Variants in PLXNB2 observed in about 807,000 individuals in gnomAD.
PLXNB2 encodes the protein plexin-B2.
Under a neutral mutation model 202.6 loss-of-function variants are expected in PLXNB2, and 85 were observed. That is an observed-to-expected ratio of 0.42 (90% CI 0.35 to 0.50). PLXNB2 has a LOEUF of 0.50. PLXNB2 is among the 20% of genes least tolerant of loss of function. PLXNB2 has a pLI of 0.02. For synonymous variants in PLXNB2, 1,239 were observed against 1,137.6 expected (o/e 1.09, Z -1.79); for missense variants, 2,063 against 2,586.2 (o/e 0.80, Z 4.39).
At chr22:50,301,291 CTCT>C in intron 1 of PLXNB2, 4 of 606,574 alleles carry the variant, frequency 6.6e-6, no homozygotes, top group Non-Finnish European at 8.3e-6. Flanking sequence ...CTGCAGCCCC[CTCT>C]TGCTACACCG....
In PLXNB2 at chr22:50,284,759, G is replaced by T; in HGVS notation, c.2089-94C>A. On this transcript the variant is annotated intron_variant, in intron 11 of 36. Transcript: ENST00000359337. The surrounding 1 kb of genome is among the most constrained non-coding windows in gnomAD (Gnocchi z 8.0). Reference sequence around the variant, plus strand: ...GCAGCCCCTCCTCTGTGCCTACAGTGTGGGAGCCCTCTCCTCACCCCACAC... The same window carrying T: ...GCAGCCCCTCCTCTGTGCCTACAGTTTGGGAGCCCTCTCCTCACCCCACAC... 2.1e-6 allele frequency: 2 copies of T among 942,512 alleles called. No individual in the cohort carries two copies. Among genetic ancestry groups the T allele is most frequent in the South Asian group, 1.3e-5 (1 of 76,474 alleles). 58.4% of individuals were successfully genotyped at this position (942,512 alleles called of 1,614,324 possible).
At chr22:50,285,013 C>T in intron 11 of PLXNB2, 1 of 441,244 alleles carries the variant, frequency 2.3e-6, no homozygotes. Flanking sequence ...GCCTCCTCCA[C>T]TGCCTCTCTT....
At position 50,278,099 on chromosome 22, in the gene PLXNB2, A is replaced by G; in HGVS notation, c.4887+18T>C. On this transcript the variant is annotated intron_variant, in intron 31 of 36. Coordinates refer to ENST00000359337, the MANE Select transcript of PLXNB2 (RefSeq NM_012401.4). ...AGCGTGGCGGCCTGGTGCCGCCCAC[A>G]CACCCATGGGGGCCCACCTTGACTG... 2 of 1,603,062 alleles carry G rather than the reference A, an allele frequency of 1.2e-6. No homozygotes were observed. The highest frequency in any genetic ancestry group is 1.7e-6 in the Non-Finnish European group (2 of 1,178,928).
At chr22:50,278,313 G>A (rs771784244) in intron 30 of PLXNB2, 42 bp from the exon 31 acceptor site, 1 of 1,602,378 alleles carries the variant, frequency 6.2e-7, no homozygotes, top group Non-Finnish European at 8.5e-7. Flanking sequence ...CCAGGTCTGG[G>A]GGCCTGGGTC....
chr22:50,304,867 T>C (rs2147733914), intron 1 of PLXNB2, among the ~76,000 whole-genome samples: 1 of 152,316 alleles, frequency 6.6e-6, no homozygotes, highest in Admixed American at 6.5e-5. Context: ...GGCCACTTGC[T>C]GGCCACTGGG....
chr22:50,294,100 G>C (rs1191774604), intron 2 of PLXNB2, among the ~76,000 whole-genome samples: 3 of 152,250 alleles, frequency 2.0e-5, no homozygotes, highest in Non-Finnish European at 4.4e-5. Context: ...GGAGGCGCCA[G>C]GCACAGCCAG....
rs760231402 is a variant in PLXNB2, at chr22:50,287,143, G to C, written c.1730C>G (p.Pro577Arg). 104 of 1,542,126 alleles carry C rather than the reference G, an allele frequency of 6.7e-5. No individual in the cohort carries two copies. Among genetic ancestry groups the C allele is most frequent in the Non-Finnish European group, 8.3e-5 (95 of 1,142,684 alleles). The change falls in exon 8 of 37, where the codon CCA becomes CGA. Residue 577 changes from proline to arginine, a missense_variant. By Grantham distance (103) the Pro-to-Arg change is moderately radical. Coordinates refer to ENST00000359337, the MANE Select transcript of PLXNB2 (RefSeq NM_012401.4). ...TGGCGGTGTGACGGGGATGCTGCTT[G>C]GGGAGTTGCAGATGACGGCCTCGCC... Reference protein sequence around the residue: ...VEGEAVICNSPSSIPVTPPGQ... With the variant: ...VEGEAVICNSRSSIPVTPPGQ...
At chr22:50,300,709 T>A (rs111764980) in intron 1 of PLXNB2, among the ~76,000 whole-genome samples, 1,823 of 152,282 alleles carry the variant, frequency 0.012, 29 homozygotes, top group African/African-American at 0.041. Context: ...GTGGGGTTCC[T>A]ACTTAGGGCC....
rs912120290 is a variant in PLXNB2 at position 50,280,124 on chromosome 22, C to G, written c.4176-53G>C. The G allele has an allele frequency of 2.8e-6, 4 of 1,415,578 alleles. No individual in the cohort carries two copies. In the African/African-American group the frequency reaches 5.7e-5, roughly 20 times the overall value. 87.7% of individuals were successfully genotyped at this position (1,415,578 alleles called of 1,614,324 possible). On this transcript the variant is annotated intron_variant, in intron 25 of 36. Coordinates refer to ENST00000359337, the MANE Select transcript of PLXNB2 (RefSeq NM_012401.4). ...AGTGACCCCGTAGTATTCCTGAGGC[C>G]CAACTGACTCCTCCAAGCACCCGGC...
chr22:50,286,344 C>T (rs1382520640), intron 8 of PLXNB2, 57 bp from the exon 9 acceptor site: 4 of 1,306,654 alleles, frequency 3.1e-6, no homozygotes, highest in South Asian at 2.4e-5. Context: ...GAGGGCCAGG[C>T]TGGGCCTCCC....
intron 2 of PLXNB2, 42 bp from the exon 3 acceptor site, chr22:50,290,639 G>C: frequency 6.7e-7 from 1 of 1,491,584 alleles, no homozygotes; most frequent in Non-Finnish European, 8.9e-7. Flanking sequence ...CGACCCAGAG[G>C]ACCCCCGATC....
chr22:50,290,096 A>G lies in PLXNB2; in HGVS notation c.489T>C (p.Gly163=), dbSNP rs759171874. 2 of 1,613,122 alleles carry G rather than the reference A, an allele frequency of 1.2e-6. No individual in the cohort carries two copies. Among genetic ancestry groups the G allele is most frequent in the South Asian group, 1.1e-5 (1 of 91,090 alleles). ...TVGLVSSTGP[G]GDRVLFVGKG... is the part of the protein sequence containing the mutation. ...TGCCCACAAACAGCACGCGGTCACC[A>G]CCAGGACCCGTGGAGCTCACCAGCC... is the stretch of plus-strand genomic sequence containing the variant. Residue 163 remains glycine (G), a synonymous_variant, in exon 3 of 37, where the codon GGT becomes GGC. Transcript: ENST00000359337.
Position 50,284,046 on chromosome 22 carries a change from TCCCCA to T in PLXNB2, c.2264-61_2264-57del. The T allele has an allele frequency of 6.7e-7, 1 of 1,499,390 alleles. No individual in the cohort carries two copies. Among genetic ancestry groups the T allele is most frequent in the Non-Finnish European group, 8.9e-7 (1 of 1,119,722 alleles). The allele number at this position is 1,499,390 out of a possible 1,614,324, so 92.9% of individuals were successfully genotyped here. ...CCGTGCCTGCCCGCCCCCGACCTGC[TCCCCA>T]CTGCGCCCACCTGTCCCCCCACCCA... On this transcript the variant is annotated intron_variant, in intron 13 of 36. Coordinates refer to ENST00000359337, the MANE Select transcript of PLXNB2 (RefSeq NM_012401.4). This position sits in a 1 kb window ranked among gnomAD's most constrained non-coding sequence, Gnocchi z 8.0.
Position 50,277,942 on chromosome 22 carries a change from T to C in PLXNB2, c.4959A>G (p.Ala1653=). The change falls in exon 32 of 37, where the codon GCA becomes GCG. Residue 1653 remains alanine (A), a synonymous_variant. Transcript: ENST00000359337. The part of the protein sequence containing the change: ...VLAPGHAVPP[A]VKYFFDFLDE... ...CCAGGAAGTCGAAGAAGTACTTGAC[T>C]GCAGGTGGCACCGCGTGCCCAGGCG... The C allele has an allele frequency of 6.2e-7, 1 of 1,613,092 alleles. No homozygotes were observed. Among genetic ancestry groups the C allele is most frequent in the Non-Finnish European group, 8.5e-7 (1 of 1,179,852 alleles).
At chr22:50,295,816 G>A (rs930632836) in intron 1 of PLXNB2, among the ~76,000 whole-genome samples, 2 of 151,996 alleles carry the variant, frequency 1.3e-5, no homozygotes, top group African/African-American at 2.4e-5. Context: ...AATAGTGGCC[G>A]GCTAAGGCTG....
In PLXNB2 at chr22:50,289,918, C is replaced by T. The variant is rs771239742; in HGVS notation, c.667G>A (p.Glu223Lys). 35 of 1,613,060 alleles carry T rather than the reference C, an allele frequency of 2.2e-5. No homozygotes were observed. The East Asian group carries it at 4.5e-4, about 21-fold the overall frequency. The change falls in exon 3 of 37, where the codon GAG (glutamate) becomes AAG (lysine). Residue 223 changes from glutamate (E) to lysine (K), a missense_variant. Glu to Lys is a moderately conservative substitution (Grantham distance 56, BLOSUM62 1). Coordinates refer to ENST00000359337, the MANE Select transcript of PLXNB2 (RefSeq NM_012401.4). The surrounding 1 kb of genome is among the most constrained non-coding windows in gnomAD (Gnocchi z 8.0). ...ACAAAGAAGACGTAGGGGCCGTCCTCGAAGGCCGCCACGAACTGCTGTGTG... is the reference window on the plus strand; with the variant it reads ...ACAAAGAAGACGTAGGGGCCGTCCTTGAAGGCCGCCACGAACTGCTGTGTG... ...TNTQQFVAAF[E>K]DGPYVFFVFN...
In PLXNB2 at chr22:50,279,715, C is replaced by T; in HGVS notation, c.4304G>A (p.Gly1435Asp). ...CTTCTTCTGTACCGCATCCACCGGG[C>T]CCTTTTCCACCTGATGTTTGATGGC... ...FKAIKHQVEK[G>D]PVDAVQKKAK... The change falls in exon 27 of 37, where the codon GGC becomes GAC. Residue 1435 changes from glycine (G) to aspartate (D), a missense_variant. By Grantham distance (94) the Gly-to-Asp change is moderately conservative. This residue lies in a region of PLXNB2 where 760 missense variants were observed against 1,109.4 expected (regional missense o/e 0.69). Transcript: ENST00000359337. The T allele has an allele frequency of 6.2e-7, 1 of 1,614,006 alleles. No homozygotes were observed. Among genetic ancestry groups the T allele is most frequent in the Non-Finnish European group, 8.5e-7 (1 of 1,179,956 alleles).
Position 50,280,874 on chromosome 22 carries a change from G to A in PLXNB2, c.3863C>T (p.Pro1288Leu), listed in dbSNP as rs374108984. 2.6e-5 allele frequency: 42 copies of A among 1,613,468 alleles called. 1 individual carries two copies. In the African/African-American group the frequency reaches 4.5e-4, roughly 17 times the overall value. ...KTYTDRVFFLPSKDGDKDVMI... is the reference protein window; with the variant it reads ...KTYTDRVFFLLSKDGDKDVMI... ...CACGTCCTTGTCGCCGTCCTTGGAG[G>A]GCAGGAAGAAGACGCGGTCGGTGTA... The change falls in exon 24 of 37, where the codon CCC (proline) becomes CTC (leucine). Residue 1288 changes from proline to leucine, a missense_variant. Physicochemically the swap from Pro to Leu is moderately conservative, Grantham distance 98. Coordinates refer to ENST00000359337, the MANE Select transcript of PLXNB2 (RefSeq NM_012401.4).
chr22:50,300,620 G>A (rs73891214), intron 1 of PLXNB2, among the ~76,000 whole-genome samples: 7,005 of 152,300 alleles, frequency 0.046, 302 homozygotes, highest in African/African-American at 0.11. Context: ...CGTCTACAGC[G>A]GTCCCCGCTG....
Sources: allele counts gnomAD v4.1 joint callset (sites outside exome capture counted in the v4.1 genomes callset), GRCh38; gene constraint gnomAD v4.1.1; regional missense constraint gnomAD v4.1.1; non-coding constraint Gnocchi (gnomAD v3.1); transcripts MANE v1.5; gene names NCBI Gene and HGNC (gene_info 2026-07-23, HGNC 2026-07-21).